Variants in PDE4B observed in about 807,000 individuals in gnomAD.
PDE4B encodes phosphodiesterase 4B.
In PDE4B, 20 loss-of-function variants were observed where a neutral mutation model predicts 82.2. That is an observed-to-expected ratio of 0.24 (90% CI 0.17 to 0.35). The LOEUF is 0.35. PDE4B is among the 10% of genes least tolerant of loss of function. The pLI is 1.00. For missense variants in PDE4B, 655 were observed against 907.2 expected (o/e 0.72, Z 3.57); for synonymous variants, 320 against 318.9 (o/e 1.00, Z -0.04).
chr1:66,061,271 T>C (rs545944906), intron 3 of PDE4B, among the ~76,000 whole-genome samples: 1 of 149,612 alleles, frequency 6.7e-6, no homozygotes, highest in South Asian at 2.2e-4. Context: ...AACTGAAAAC[T>C]GATTGGCAAT....
chr1:66,269,386 C>T, intron 7 of PDE4B, among the ~76,000 whole-genome samples: 1 of 152,040 alleles, frequency 6.6e-6, no homozygotes, highest in East Asian at 1.9e-4. Flanking sequence ...AGTAAATCCT[C>T]CTAGGGGTGT....
intron 3 of PDE4B, among the ~76,000 whole-genome samples, chr1:65,959,865 C>T (rs572537385): frequency 1.3e-5 from 2 of 152,150 alleles, no homozygotes; most frequent in East Asian, 3.9e-4. Flanking sequence ...ACGTCTATTT[C>T]ACATATATGA....
chr1:66,215,710 GA>G (rs1453037850), intron 3 of PDE4B, among the ~76,000 whole-genome samples: 1 of 152,142 alleles, frequency 6.6e-6, no homozygotes, highest in East Asian at 1.9e-4. Context: ...TGGAGGCCAT[GA>G]ACCAGAGAGA....
chr1:65,922,535 T>C (rs1052902075), intron 3 of PDE4B, among the ~76,000 whole-genome samples: 1 of 152,068 alleles, frequency 6.6e-6, no homozygotes, highest in South Asian at 2.1e-4. Context: ...GGCAAGTGGG[T>C]TCCTAATATT....
intron 6 of PDE4B, among the ~76,000 whole-genome samples, chr1:66,258,677 G>A (rs1287896010): frequency 6.6e-6 from 1 of 152,118 alleles, no homozygotes; most frequent in Non-Finnish European, 1.5e-5. Context: ...CCCCGCATAA[G>A]TTAGAGACAC....
intron 3 of PDE4B, chr1:65,993,054 T>G: frequency 6.2e-7 from 1 of 1,613,976 alleles, no homozygotes; most frequent in South Asian, 1.1e-5. Context: ...TCCACGCAGT[T>G]CACCAAGGAA....
At chr1:65,867,451 A>G (rs183221804) in intron 1 of PDE4B, among the ~76,000 whole-genome samples, 235 of 152,336 alleles carry the variant, frequency 1.5e-3, no homozygotes, top group Non-Finnish European at 2.7e-3. Flanking sequence ...AAAAAGGCTT[A>G]TCTGATAGAT....
chr1:66,185,460 G>C (rs1371275874), intron 3 of PDE4B, among the ~76,000 whole-genome samples: 1 of 152,068 alleles, frequency 6.6e-6, no homozygotes, highest in Non-Finnish European at 1.5e-5. Flanking sequence ...CCCACCAACA[G>C]TGTAAAAGTG....
intron 7 of PDE4B, among the ~76,000 whole-genome samples, chr1:66,284,824 A>T (rs573105547): frequency 6.6e-6 from 1 of 152,320 alleles, no homozygotes; most frequent in African/African-American, 2.4e-5. Context: ...AGGGCTTTGC[A>T]TACCTTCCAA....
chr1:66,018,827 A>G (rs897518811), intron 3 of PDE4B, among the ~76,000 whole-genome samples: 2 of 152,226 alleles, frequency 1.3e-5, no homozygotes, highest in Non-Finnish European at 2.9e-5. Flanking sequence ...GAATGTGTTA[A>G]GGCAGATAAT....
intron 3 of PDE4B, among the ~76,000 whole-genome samples, chr1:66,134,055 A>C (rs77536088): frequency 6.6e-6 from 1 of 152,190 alleles, no homozygotes; most frequent in South Asian, 2.1e-4. Flanking sequence ...AAAAAAAAAA[A>C]AAGACTTCTA....
chr1:66,069,963 A>C (rs1043282315), intron 3 of PDE4B, among the ~76,000 whole-genome samples: 1 of 151,918 alleles, frequency 6.6e-6, no homozygotes, highest in Non-Finnish European at 1.5e-5. Flanking sequence ...CCTTATATTT[A>C]CATGTATGTG....
At chr1:65,959,651 C>T (rs988009681) in intron 3 of PDE4B, among the ~76,000 whole-genome samples, 2 of 150,960 alleles carry the variant, frequency 1.3e-5, no homozygotes, top group Admixed American at 6.6e-5. Context: ...GGTATTATTA[C>T]CCCCATTTTT....
chr1:66,229,942 G>A (rs578046840), intron 3 of PDE4B, among the ~76,000 whole-genome samples: 1 of 152,256 alleles, frequency 6.6e-6, no homozygotes, highest in Admixed American at 6.5e-5. Flanking sequence ...TCTGCCTCAA[G>A]CCAAAGCCTC....
chr1:66,092,791 A>T lies in PDE4B; in HGVS notation c.282-154669A>T, dbSNP rs1645049468. ...GTTGGGTGTGGGTGGGGAACAGCAGAGACAAAAGGATAAGCATGTGCAAAG... is the reference window on the plus strand; with the variant it reads ...GTTGGGTGTGGGTGGGGAACAGCAGTGACAAAAGGATAAGCATGTGCAAAG... On this transcript the variant is annotated intron_variant, in intron 3 of 16. Coordinates refer to ENST00000341517, the MANE Select transcript of PDE4B (RefSeq NM_002600.4). Among the ~76,000 whole-genome samples, 2 of 151,986 alleles carry T rather than the reference A, an allele frequency of 1.3e-5. 1 individual carries two copies. The highest frequency in any genetic ancestry group is 2.9e-5 in the Non-Finnish European group (2 of 67,966).
chr1:66,278,946 T>A (rs1656088091), intron 7 of PDE4B, among the ~76,000 whole-genome samples: 2 of 152,166 alleles, frequency 1.3e-5, no homozygotes, highest in African/African-American at 4.8e-5. Context: ...GCATGCTTTT[T>A]GTCAACACAA....
intron 3 of PDE4B, among the ~76,000 whole-genome samples, chr1:66,193,253 T>C (rs1647983164): frequency 6.6e-6 from 1 of 152,198 alleles, no homozygotes; most frequent in African/African-American, 2.4e-5. Context: ...TTTGAGTCTT[T>C]GAAAATGAAA....
intron 3 of PDE4B, among the ~76,000 whole-genome samples, chr1:65,930,503 C>T (rs898146616): frequency 2.0e-5 from 3 of 152,228 alleles, no homozygotes; most frequent in African/African-American, 7.2e-5. Flanking sequence ...CCCTGGAAGG[C>T]CACAGGGGCG....
chr1:66,127,919 T>G (rs1003493596), intron 3 of PDE4B, among the ~76,000 whole-genome samples: 1 of 152,152 alleles, frequency 6.6e-6, no homozygotes, highest in Non-Finnish European at 1.5e-5. Flanking sequence ...GCTTGTGACT[T>G]TGATTGGGGG....
Sources: gnomAD v4.1 joint callset for allele counts (sites outside exome capture counted in the v4.1 genomes callset) on GRCh38, gnomAD v4.1.1 for gene constraint, MANE v1.5 for transcripts, NCBI Gene and HGNC (gene_info 2026-07-23, HGNC 2026-07-21) for gene names.